The following CCDC7 variants were observed in gnomAD, a reference collection of about 807,000 sequenced individuals.
CCDC7 encodes coiled-coil domain-containing protein 7.
Under a neutral mutation model 196.9 loss-of-function variants are expected in CCDC7, and 183 were observed. That is an observed-to-expected ratio of 0.93 (90% CI 0.82 to 1.05). The LOEUF (loss-of-function observed/expected upper bound fraction) is 1.05. Ranked by LOEUF, CCDC7 falls within the 50% of genes least tolerant of loss-of-function variation. The pLI is 0.00. For missense variants in CCDC7, 1,540 were observed against 1,482.2 expected (o/e 1.04, Z -0.64); for synonymous variants, 525 against 484.6 (o/e 1.08, Z -1.10).
chr10:32,567,204 A>G (rs1001735710), intron 14 of CCDC7, among the ~76,000 whole-genome samples: 2 of 149,848 alleles, frequency 1.3e-5, no homozygotes, highest in African/African-American at 4.9e-5. Context: ...AGTCTTTTAT[A>G]TAAGTAAGTT....
At chr10:32,622,218 C>T (rs1369333663) in intron 18 of CCDC7, among the ~76,000 whole-genome samples, 1 of 152,106 alleles carries the variant, frequency 6.6e-6, no homozygotes, top group African/African-American at 2.4e-5. Flanking sequence ...AGGCAGTGTC[C>T]TTTTTCTAAC....
At chr10:32,599,371 G>A (rs1000482184) in intron 18 of CCDC7, among the ~76,000 whole-genome samples, 1 of 152,034 alleles carries the variant, frequency 6.6e-6, no homozygotes, top group African/African-American at 2.4e-5. Flanking sequence ...AAAAGCTTTT[G>A]TCAGTTTCTG....
intron 41 of CCDC7, 28 bp downstream of exon 42, chr10:32,854,517 A>G (rs376247189): frequency 3.8e-6 from 5 of 1,326,282 alleles, no homozygotes; most frequent in African/African-American, 2.9e-5. Flanking sequence ...ATACAGACAT[A>G]TGAAATAAAA....
Position 32,693,487 on chromosome 10 carries a change from T to C in CCDC7, c.2345-1392T>C, listed in dbSNP as rs145204290. ...GTATTTTTTTCCTTCACATTATTCT[T>C]TGAAATCCCTTCAGGTCAATTTATA... On this transcript the variant is annotated intron_variant, in intron 23 of 41. Transcript: ENST00000639629. Among the ~76,000 whole-genome samples the C allele has an allele frequency of 8.6e-4, 131 of 152,306 alleles. 1 individual carries two copies. The highest frequency in any genetic ancestry group is 2.9e-3 in the African/African-American group (120 of 41,572).
intron 13 of CCDC7, among the ~76,000 whole-genome samples, chr10:32,549,181 T>C (rs11008972): frequency 0.14 from 21,036 of 152,238 alleles, 1,759 homozygotes; most frequent in East Asian, 0.25. Flanking sequence ...GAGCATTTTT[T>C]CATATGTTTG....
intron 9 of CCDC7, among the ~76,000 whole-genome samples, chr10:32,502,051 C>T (rs1383097409): frequency 6.6e-6 from 1 of 152,170 alleles, no homozygotes; most frequent in African/African-American, 2.4e-5. Context: ...CCTACTCAAG[C>T]CTCAGCAATG....
intron 14 of CCDC7, among the ~76,000 whole-genome samples, chr10:32,566,565 G>T (rs936590635): frequency 2.6e-5 from 4 of 151,960 alleles, no homozygotes; most frequent in African/African-American, 9.7e-5. Context: ...ATTATTTAAT[G>T]AAAAGAGCAT....
At chr10:32,461,709 G>GTGTATATATATATA (rs1471520620) in intron 3 of CCDC7, among the ~76,000 whole-genome samples, 3 of 57,482 alleles carry the variant, frequency 5.2e-5, no homozygotes, top group African/African-American at 1.6e-4. Flanking sequence ...GTGTGTGTGT[G>GTGTATATATATATA]TATATATATA....
At chr10:32,636,393 A>G (rs1344663289) in intron 20 of CCDC7, among the ~76,000 whole-genome samples, 4 of 151,936 alleles carry the variant, frequency 2.6e-5, no homozygotes, top group African/African-American at 9.7e-5. Flanking sequence ...CCCACACCAC[A>G]ACAGTCTCCA....
chr10:32,676,850 C>G (rs1185542815), intron 21 of CCDC7, among the ~76,000 whole-genome samples: 1 of 152,144 alleles, frequency 6.6e-6, no homozygotes, highest in Admixed American at 6.5e-5. Flanking sequence ...TACCATTTGA[C>G]CTAGCCATCC....
intron 18 of CCDC7, among the ~76,000 whole-genome samples, chr10:32,612,232 G>C (rs2062229788): frequency 6.6e-6 from 1 of 152,044 alleles, no homozygotes; most frequent in Admixed American, 6.5e-5. Context: ...TCTATTCTTG[G>C]TGTATAGGAA....
At chr10:32,653,102 C>T (rs988233587) in intron 20 of CCDC7, among the ~76,000 whole-genome samples, 7 of 152,190 alleles carry the variant, frequency 4.6e-5, no homozygotes, top group Non-Finnish European at 1.0e-4. Context: ...TCTTTTCCTT[C>T]AGCACTTTGA....
intron 21 of CCDC7, among the ~76,000 whole-genome samples, chr10:32,666,631 G>T (rs1239625444): frequency 6.6e-6 from 1 of 150,694 alleles, no homozygotes; most frequent in African/African-American, 2.4e-5. Context: ...GTAGTGTTTG[G>T]TTTTTTGTCC....
intron 23 of CCDC7, among the ~76,000 whole-genome samples, chr10:32,690,568 T>C (rs923888681): frequency 4.6e-5 from 7 of 152,222 alleles, no homozygotes; most frequent in Admixed American, 3.9e-4. Context: ...TGAGTCATTA[T>C]GCACCTGAGG....
At chr10:32,778,712 TA>T (rs959536039) in intron 28 of CCDC7, among the ~76,000 whole-genome samples, 4 of 152,190 alleles carry the variant, frequency 2.6e-5, no homozygotes, top group African/African-American at 9.7e-5. Flanking sequence ...CTAATTCTGT[TA>T]AAAATGACAT....
At chr10:32,508,533 A>G (rs1814392614) in intron 9 of CCDC7, among the ~76,000 whole-genome samples, 1 of 152,260 alleles carries the variant, frequency 6.6e-6, no homozygotes, top group Admixed American at 6.5e-5. Flanking sequence ...ACAGACATAA[A>G]ACAAATCCTA....
chr10:32,774,542 G>T (rs2079669720), intron 28 of CCDC7, among the ~76,000 whole-genome samples: 1 of 152,236 alleles, frequency 6.6e-6, no homozygotes, highest in East Asian at 1.9e-4. Flanking sequence ...ACCAGCATCA[G>T]ATTTTCTTGA....
At chr10:32,577,178 A>G (rs1366392224) in intron 16 of CCDC7, among the ~76,000 whole-genome samples, 1 of 151,990 alleles carries the variant, frequency 6.6e-6, no homozygotes, top group Non-Finnish European at 1.5e-5. Flanking sequence ...CCTGGCCAAT[A>G]TGGTGAAACC....
chr10:32,671,105 A>C (rs2073976645), intron 21 of CCDC7, among the ~76,000 whole-genome samples: 1 of 152,192 alleles, frequency 6.6e-6, no homozygotes, highest in Non-Finnish European at 1.5e-5. Flanking sequence ...AATTTAGTGT[A>C]ACCCAAGTGT....
Sources: allele counts gnomAD v4.1 joint callset (sites outside exome capture counted in the v4.1 genomes callset), GRCh38; gene constraint gnomAD v4.1.1; transcripts MANE v1.5; gene names NCBI Gene and HGNC (gene_info 2026-07-23, HGNC 2026-07-21).